Variants in SYNPO observed in about 807,000 individuals in gnomAD.
SYNPO encodes the protein synaptopodin.
SYNPO carries 19 observed loss-of-function variants against 49.5 expected under a neutral mutation model. The ratio of observed to expected loss-of-function variants is 0.38; its 90% confidence interval spans 0.27 to 0.56. The LOEUF is 0.56. SYNPO is among the 20% of genes least tolerant of loss of function. The pLI is 0.68. For synonymous variants in SYNPO, 536 were observed against 548.0 expected (o/e 0.98, Z 0.31); for missense variants, 1,131 against 1,248.3 (o/e 0.91, Z 1.42).
chr5:150,606,206 C>G (rs1459693592), intron 1 of SYNPO, among the ~76,000 whole-genome samples: 3 of 152,332 alleles, frequency 2.0e-5, no homozygotes, highest in African/African-American at 7.2e-5. Context: ...CACAGACACA[C>G]AGCAGAAGAA....
intron 1 of SYNPO, among the ~76,000 whole-genome samples, chr5:150,645,056 GCT>G (rs755539656): frequency 5.2e-4 from 79 of 152,276 alleles, no homozygotes; most frequent in Admixed American, 1.2e-3. Context: ...CAGCTTCTTT[GCT>G]CTGTGTGGGC....
chr5:150,596,823 G>C (rs1756433244), upstream of SYNPO, among the ~76,000 whole-genome samples: 1 of 152,220 alleles, frequency 6.6e-6, no homozygotes. Context: ...AAAGACCCAA[G>C]TCAGGGCAAG....
upstream of SYNPO, among the ~76,000 whole-genome samples, chr5:150,638,270 C>G (rs1388859395): frequency 1.3e-5 from 2 of 152,180 alleles, no homozygotes; most frequent in Non-Finnish European, 2.9e-5. Context: ...GTTGTATGTT[C>G]TCCCCTCACT....
At chr5:150,597,987 C>A (rs1052667977), upstream of SYNPO, among the ~76,000 whole-genome samples, 1 of 152,118 alleles carries the variant, frequency 6.6e-6, no homozygotes, top group African/African-American at 2.4e-5. Context: ...TAGGAAACCA[C>A]CCGGTTACCT....
chr5:150,589,093 G>C, the SYNPO span, among the ~76,000 whole-genome samples: 1 of 147,128 alleles, frequency 6.8e-6, no homozygotes, highest in African/African-American at 2.5e-5. Flanking sequence ...ACAGAGTCTC[G>C]CTGTGTTGCC....
rs141603047 is a variant in SYNPO, at chr5:150,647,271, G to T, written c.-332-673G>T. On this transcript the variant is annotated intron_variant, in intron 1 of 2. Transcript: ENST00000307662. ...AAAAAAAAAAAAAAAAGTCAGGCAA[G>T]GTCATTGCCCCTTGGAGCTATGCTG... 5.2e-3 allele frequency among the ~76,000 whole-genome samples: 794 copies of T among 151,544 alleles called. 3 individuals carry two copies. The highest frequency in any genetic ancestry group is 0.028 in the Middle Eastern group (8 of 290).
chr5:150,635,917 G>A (rs761275875), upstream of SYNPO, among the ~76,000 whole-genome samples: 11 of 152,046 alleles, frequency 7.2e-5, no homozygotes, highest in Non-Finnish European at 1.5e-4. Context: ...ACCTTTTTCC[G>A]TTCTTTGCTC....
intron 1 of SYNPO, among the ~76,000 whole-genome samples, chr5:150,641,205 G>A (rs59925770): frequency 0.036 from 5,521 of 152,320 alleles, 294 homozygotes; most frequent in African/African-American, 0.12. Context: ...TTCAGTGGGA[G>A]GAATGGGGAA....
chr5:150,649,862 C>G lies in SYNPO; in HGVS notation c.1587C>G (p.Phe529Leu). 6.2e-7 allele frequency: 1 copy of G among 1,609,102 alleles called. No individual in the cohort carries two copies. The highest frequency in any genetic ancestry group is 8.5e-7 in the Non-Finnish European group (1 of 1,179,994). ...WKYPTNAPGA[F>L]RVASRSPART... ...ACCCCACTAACGCCCCCGGGGCCTT[C>G]CGAGTGGCATCCCGAAGCCCAGCCC... Residue 529 changes from phenylalanine to leucine, a missense_variant, in exon 2 of 3, where the codon TTC becomes TTG. Phe to Leu is a conservative substitution (Grantham distance 22, BLOSUM62 0). Coordinates refer to ENST00000307662, the MANE Select transcript of SYNPO (RefSeq NM_007286.6).
Position 150,649,185 on chromosome 5 carries a change from A to G in SYNPO, c.910A>G (p.Ser304Gly), listed in dbSNP as rs1016330150. The G allele has an allele frequency of 2.5e-6, 4 of 1,614,106 alleles. No individual in the cohort carries two copies. Among genetic ancestry groups the G allele is most frequent in the Non-Finnish European group, 3.4e-6 (4 of 1,180,004 alleles). Residue 304 changes from serine to glycine, a missense_variant, in exon 2 of 3, where the codon AGC becomes GGC. By Grantham distance (56) the Ser-to-Gly change is moderately conservative. This residue lies in a region of SYNPO where 602 missense variants were observed against 720.7 expected (regional missense o/e 0.84). Coordinates refer to ENST00000307662, the MANE Select transcript of SYNPO (RefSeq NM_007286.6). Reference sequence around the variant, plus strand: ...GGAAAGGAGGATGATGGGGCAGCGAAGCCCGGCCTCAGAGAGACGCCCCTT... The same window carrying G: ...GGAAAGGAGGATGATGGGGCAGCGAGGCCCGGCCTCAGAGAGACGCCCCTT... ...MVERRMMGQR[S>G]PASERRPLGN...
At chr5:150,640,613 G>A (rs1275407140), upstream of SYNPO, 2 of 979,528 alleles carry the variant, frequency 2.0e-6, no homozygotes, top group Non-Finnish European at 2.4e-6. Context: ...GGGAGAGACT[G>A]GGGGTGGAGA....
chr5:150,613,144 T>C (rs559972872), intron 1 of SYNPO, among the ~76,000 whole-genome samples: 66 of 149,606 alleles, frequency 4.4e-4, no homozygotes, highest in African/African-American at 1.6e-3. Flanking sequence ...CTCCTCTTGC[T>C]GGGACCTCTG....
rs1758565820 is a variant in SYNPO, at chr5:150,656,638, G to C, written c.2263G>C (p.Ala755Pro). 1 of 1,508,186 alleles carries C rather than the reference G, an allele frequency of 6.6e-7. No homozygotes were observed. Among genetic ancestry groups the C allele is most frequent in the Non-Finnish European group, 8.8e-7 (1 of 1,136,360 alleles). The allele number at this position is 1,508,186 out of a possible 1,614,324, so 93.4% of individuals were successfully genotyped here. A position where few individuals can be genotyped will look rare whatever the true frequency, so the allele number is the denominator to read the frequency against. Residue 755 changes from alanine to proline, a missense_variant, in exon 3 of 3, where the codon GCG becomes CCG. Coordinates refer to ENST00000307662, the MANE Select transcript of SYNPO (RefSeq NM_007286.6). ...GCGGCCCCCCAGCCGCCAGCTGCAG[G>C]CGCTTCTGGCGCGAAACATCATCAA... ...EARPPSRQLQ[A>P]LLARNIINAA...
the SYNPO span, among the ~76,000 whole-genome samples, chr5:150,588,257 A>T: frequency 1.3e-5 from 2 of 152,072 alleles, no homozygotes; most frequent in Admixed American, 1.3e-4. Context: ...CCATATCTCC[A>T]TGCGTGACTT....
chr5:150,637,272 T>C (rs1003637881), upstream of SYNPO, among the ~76,000 whole-genome samples: 8 of 152,164 alleles, frequency 5.3e-5, no homozygotes, highest in Non-Finnish European at 1.2e-4. Flanking sequence ...CACAATCCAC[T>C]CACTGGCCAA....
the SYNPO span, among the ~76,000 whole-genome samples, chr5:150,588,670 G>A: frequency 0.051 from 7,754 of 152,014 alleles, 647 homozygotes; most frequent in African/African-American, 0.18. Context: ...CAGGAAGGGG[G>A]CAGGGGAGAG....
Position 150,618,585 on chromosome 5 carries a change from C to T in SYNPO, c.218C>T (p.Thr73Ile), listed in dbSNP as rs781722486. 8 of 1,551,168 alleles carry T rather than the reference C, an allele frequency of 5.2e-6. No homozygotes were observed. In the African/African-American group the frequency reaches 9.6e-5, roughly 19 times the overall value. Residue 73 changes from threonine (T) to isoleucine (I), a missense_variant, in exon 2 of 3, where the codon ACC (threonine) becomes ATC (isoleucine). Transcript: ENST00000394243. The stretch of plus-strand genomic sequence containing the variant: ...GGGGACGACTCTGCCTGCAGAGTCA[C>T]CCAGGGGACACCGCAGCTGCCCAAA...
chr5:150,631,997 C>T (rs549442391), intron 2 of SYNPO, among the ~76,000 whole-genome samples: 52 of 152,262 alleles, frequency 3.4e-4, no homozygotes, highest in African/African-American at 1.2e-3. Context: ...CTGCCTGTAA[C>T]GGCTGCCTGT....
In SYNPO at chr5:150,656,616, GC is replaced by G; in HGVS notation, c.2247del (p.Ser750AlafsTer189). 3.3e-6 allele frequency: 5 copies of G among 1,512,322 alleles called. No individual in the cohort carries two copies. In the Admixed American group the frequency reaches 6.1e-5, roughly 18 times the overall value. The allele number at this position is 1,512,322 out of a possible 1,614,324, so 93.7% of individuals were successfully genotyped here. A position where few individuals can be genotyped will look rare whatever the true frequency, so the allele number is the denominator to read the frequency against. ...CGCTGCGACCTGAGACCGAGGCGCG[GC>G]CCCCCAGCCGCCAGCTGCAGGCGCT... Reference protein sequence around the residue: ...SPLRPETEARPPSRQLQALLA... With the variant: ...SPLRPETEARXPSRQLQALLA... On this transcript the variant is annotated frameshift_variant, in exon 3 of 3. Coordinates refer to ENST00000307662, the MANE Select transcript of SYNPO (RefSeq NM_007286.6). LOFTEE classifies it low-confidence loss of function (END_TRUNC).
Sources: allele counts gnomAD v4.1 joint callset (sites outside exome capture counted in the v4.1 genomes callset), GRCh38; gene constraint gnomAD v4.1.1; regional missense constraint gnomAD v4.1.1; transcripts MANE v1.5; gene names NCBI Gene and HGNC (gene_info 2026-07-23, HGNC 2026-07-21).